SYN2: variants seen among roughly 807,000 people sequenced by gnomAD.
SYN2 encodes synapsin II.
SYN2 carries 19 observed loss-of-function variants against 50.9 expected under a neutral mutation model. The observed-to-expected ratio is 0.37, with a 90% CI of 0.26 to 0.55. The LOEUF is 0.55. Ranked by LOEUF, SYN2 falls within the 20% of genes least tolerant of loss-of-function variation. The pLI, the probability that SYN2 is intolerant of heterozygous loss-of-function variation, is 0.81. For missense variants in SYN2, 587 were observed against 576.4 expected, an observed-to-expected ratio of 1.02 and a Z score of -0.19; for synonymous variants, 255 against 224.9, an observed-to-expected ratio of 1.13 and a Z score of -1.20.
intron 1 of SYN2, among the ~76,000 whole-genome samples, chr3:12,119,175 G>A (rs1382240498): frequency 2.0e-5 from 3 of 151,836 alleles, no homozygotes; most frequent in South Asian, 4.2e-4. Context: ...CCTTAGAGAA[G>A]CAGGCTTCTT....
chr3:12,151,367 C>A, intron 5 of SYN2, 41 bp downstream of exon 5: 1 of 1,531,106 alleles, frequency 6.5e-7, no homozygotes, highest in South Asian at 1.2e-5. Context: ...CTGCTGTTTT[C>A]ATTTTGCACT....
At chr3:12,095,662 C>T (rs985255587) in intron 1 of SYN2, among the ~76,000 whole-genome samples, 8 of 146,648 alleles carry the variant, frequency 5.5e-5, no homozygotes, top group African/African-American at 2.0e-4. Flanking sequence ...ACAAAGTTGA[C>T]CATTCCTTCT....
chr3:12,095,381 A>T (rs1010651994), intron 1 of SYN2, among the ~76,000 whole-genome samples: 1 of 143,982 alleles, frequency 6.9e-6, no homozygotes, highest in Non-Finnish European at 1.5e-5. Flanking sequence ...CCTCGTCTCT[A>T]CTAAAAAATA....
chr3:12,060,631 A>G (rs924179287), intron 1 of SYN2, among the ~76,000 whole-genome samples: 6 of 152,176 alleles, frequency 3.9e-5, no homozygotes, highest in Admixed American at 3.9e-4. Context: ...CACAGACTCT[A>G]TCTGAGGGGG....
Position 12,140,835 on chromosome 3 carries a change from CCTCT to C in SYN2, c.435+133_435+136del, listed in dbSNP as rs199505434. On this transcript the variant is annotated intron_variant, in intron 2 of 12. Coordinates refer to ENST00000621198, the MANE Select transcript of SYN2 (RefSeq NM_133625.6). ...TCATTGGGTTCTGGACTCTGCATCTCCTCTCTCTCCTATCCTTTCCCCAGGACCT... is the reference window on the plus strand; with the variant it reads ...TCATTGGGTTCTGGACTCTGCATCTCCTCTCCTATCCTTTCCCCAGGACCT... 6.9e-5 allele frequency: 48 copies of C among 694,072 alleles called. No individual in the cohort carries two copies. The Middle Eastern group carries it at 4.0e-3, about 58-fold the overall frequency. 43.0% of individuals were successfully genotyped at this position (694,072 alleles called of 1,614,324 possible).
Position 12,140,677 on chromosome 3 carries a change from T to A in SYN2, c.404T>A (p.Val135Asp), listed in dbSNP as rs1165550115. ...DWAKCFRGKK[V>D]LGDYDIKVEQ... ...GCCAAGTGCTTTCGGGGCAAAAAAGTCCTTGGAGATTATGATATCAAGGTG... is the reference window on the plus strand; with the variant it reads ...GCCAAGTGCTTTCGGGGCAAAAAAGACCTTGGAGATTATGATATCAAGGTG... Residue 135 changes from valine (V) to aspartate (D), a missense_variant, in exon 2 of 13, where the codon GTC (valine) becomes GAC (aspartate). Coordinates refer to ENST00000621198, the MANE Select transcript of SYN2 (RefSeq NM_133625.6). 3 of 764,892 alleles carry A rather than the reference T, an allele frequency of 3.9e-6. No homozygotes were observed. Among genetic ancestry groups the A allele is most frequent in the South Asian group, 2.8e-5 (2 of 71,324 alleles). The allele number at this position is 764,892 out of a possible 1,614,324, so 47.4% of individuals were successfully genotyped here.
At chr3:12,157,844 C>G (rs1458003020) in intron 5 of SYN2, among the ~76,000 whole-genome samples, 1 of 152,192 alleles carries the variant, frequency 6.6e-6, no homozygotes, top group Non-Finnish European at 1.5e-5. Context: ...TGAAGTTTAT[C>G]TATTGCTGTG....
intron 1 of SYN2, among the ~76,000 whole-genome samples, chr3:12,118,829 AAAAC>A (rs1478902450): frequency 1.3e-5 from 2 of 152,258 alleles, no homozygotes; most frequent in Non-Finnish European, 2.9e-5. Context: ...CCAAAGCAAA[AAAAC>A]AAAAGAAGTG....
chr3:12,125,644 A>G (rs576194690), intron 1 of SYN2, among the ~76,000 whole-genome samples: 3 of 152,282 alleles, frequency 2.0e-5, no homozygotes, highest in African/African-American at 7.2e-5. Context: ...AAACCTTATC[A>G]TAGGAGGAAT....
chr3:12,177,937 C>A (rs1035812527), intron 10 of SYN2, among the ~76,000 whole-genome samples: 1 of 152,200 alleles, frequency 6.6e-6, no homozygotes, highest in African/African-American at 2.4e-5. Context: ...CAACTCCCCC[C>A]AGGAGGGAAG....
chr3:12,004,839 G>T lies in SYN2; in HGVS notation c.288G>T (p.Ser96=). ...LSQAVKQTAA[S]AGLVDAPAPA... ...AAGCCGTGAAGCAGACGGCCGCCTC[G>T]GCTGGCCTGGTGGACGCGCCCGCTC... is the stretch of plus-strand genomic sequence containing the variant. The change falls in exon 1 of 13, where the codon TCG becomes TCT. Residue 96 remains serine, a synonymous_variant. Coordinates refer to ENST00000621198, the MANE Select transcript of SYN2 (RefSeq NM_133625.6). The T allele has an allele frequency of 1.9e-6, 1 of 517,598 alleles. No individual in the cohort carries two copies. The highest frequency in any genetic ancestry group is 3.5e-5 in the East Asian group (1 of 28,572). The allele number at this position is 517,598 out of a possible 1,614,324, so 32.1% of individuals were successfully genotyped here. A position where few individuals can be genotyped will look rare whatever the true frequency, so the allele number is the denominator to read the frequency against.
chr3:12,045,854 T>G (rs970078004), intron 1 of SYN2, among the ~76,000 whole-genome samples: 6 of 152,138 alleles, frequency 3.9e-5, no homozygotes, highest in Non-Finnish European at 8.8e-5. Context: ...AAGAAAAAAG[T>G]TAAAATCAGT....
intron 1 of SYN2, among the ~76,000 whole-genome samples, chr3:12,057,986 T>G (rs1341557435): frequency 6.6e-6 from 1 of 152,194 alleles, no homozygotes; most frequent in East Asian, 1.9e-4. Flanking sequence ...AAATATATTC[T>G]GTGGTCCCAT....
At chr3:12,058,109 C>A (rs1368135176) in intron 1 of SYN2, among the ~76,000 whole-genome samples, 1 of 152,126 alleles carries the variant, frequency 6.6e-6, no homozygotes, top group Non-Finnish European at 1.5e-5. Context: ...AAGTTTCTTA[C>A]CTACAATGTC....
At chr3:12,076,532 G>T (rs1356044625) in intron 1 of SYN2, among the ~76,000 whole-genome samples, 1 of 151,606 alleles carries the variant, frequency 6.6e-6, no homozygotes, top group Non-Finnish European at 1.5e-5. Flanking sequence ...TAGATAACAT[G>T]ATGACCATGG....
chr3:12,172,163 A>G (rs972824481), intron 10 of SYN2, among the ~76,000 whole-genome samples: 3 of 152,226 alleles, frequency 2.0e-5, no homozygotes, highest in Non-Finnish European at 4.4e-5. Flanking sequence ...TCACTCTGCT[A>G]TAACATTATG....
intron 11 of SYN2, chr3:12,184,434 C>G: frequency 1.0e-6 from 1 of 985,946 alleles, no homozygotes; most frequent in Non-Finnish European, 1.2e-6. Context: ...TACTGAAGGT[C>G]TGTCAGGGAT....
chr3:12,158,668 C>A (rs1262398373), intron 5 of SYN2: 1 of 1,607,466 alleles, frequency 6.2e-7, no homozygotes, highest in Non-Finnish European at 8.5e-7. Context: ...CCACAACCAC[C>A]CCCTGCTGTG....
intron 5 of SYN2, 54 bp downstream of exon 5, chr3:12,151,380 G>C (rs374590096): frequency 2.1e-6 from 3 of 1,420,746 alleles, no homozygotes; most frequent in Non-Finnish European, 2.0e-6. Context: ...TTTGCACTTA[G>C]CCACCTGGTT....
Sources: allele counts gnomAD v4.1 joint callset (sites outside exome capture counted in the v4.1 genomes callset), GRCh38; gene constraint gnomAD v4.1.1; transcripts MANE v1.5; gene names NCBI Gene and HGNC (gene_info 2026-07-23, HGNC 2026-07-21).